The following ZPBP variants were observed in gnomAD, a reference collection of about 807,000 sequenced individuals.
ZPBP encodes the protein zona pellucida-binding protein 1.
A neutral mutation model predicts 44.8 loss-of-function variants in ZPBP; 26 were observed. The ratio of observed to expected loss-of-function variants is 0.58; its 90% CI spans 0.43 to 0.81. The LOEUF (loss-of-function observed/expected upper bound fraction) is 0.81. Ranked by LOEUF, ZPBP falls within the 30% of genes least tolerant of loss-of-function variation. The pLI, the probability that ZPBP is intolerant of heterozygous loss-of-function variation, is 0.00. For synonymous variants in ZPBP, 174 were observed against 153.2 expected (o/e 1.14, Z -1.00); for missense variants, 409 against 434.0 (o/e 0.94, Z 0.51).
chr7:49,904,632 T>C (rs1792981236), intron 1 of ZPBP, among the ~76,000 whole-genome samples: 1 of 152,178 alleles, frequency 6.6e-6, no homozygotes, highest in Non-Finnish European at 1.5e-5. Context: ...TTACCACTTT[T>C]ACATGGTTTT....
intron 2 of ZPBP, among the ~76,000 whole-genome samples, chr7:49,887,249 G>A (rs1022188879): frequency 1.3e-5 from 2 of 152,122 alleles, no homozygotes; most frequent in African/African-American, 4.8e-5. Context: ...TTATTTATTA[G>A]TGGCTCTGTG....
chr7:49,932,711 C>A (rs1794487928), downstream of ZPBP, among the ~76,000 whole-genome samples: 1 of 152,006 alleles, frequency 6.6e-6, no homozygotes, highest in Non-Finnish European at 1.5e-5. Context: ...TGGGAGGGGT[C>A]ACAGGTGAAA....
intron 2 of ZPBP, among the ~76,000 whole-genome samples, chr7:49,853,974 C>T (rs1790309568): frequency 6.7e-6 from 1 of 149,962 alleles, no homozygotes; most frequent in Non-Finnish European, 1.5e-5. Context: ...GTTTGGTTTT[C>T]TGTCCCTGCG....
intron 3 of ZPBP, among the ~76,000 whole-genome samples, chr7:50,070,558 A>C (rs1215160710): frequency 6.6e-6 from 1 of 152,252 alleles, no homozygotes; most frequent in African/African-American, 2.4e-5. Context: ...TAAATCTGTC[A>C]TCTTCAACCC....
chr7:50,060,259 C>T (rs1256164625), intron 3 of ZPBP, among the ~76,000 whole-genome samples: 2 of 151,232 alleles, frequency 1.3e-5, no homozygotes. Flanking sequence ...GCCATGGGAC[C>T]TGCTGCAGTG....
chr7:49,855,477 G>A (rs79368066), intron 2 of ZPBP, among the ~76,000 whole-genome samples: 5,093 of 152,254 alleles, frequency 0.033, 117 homozygotes, highest in Non-Finnish European at 0.051. Flanking sequence ...GAAGGTTTGG[G>A]TATTTCCCAG....
At chr7:49,986,078 A>G (rs1241579157) in intron 6 of ZPBP, among the ~76,000 whole-genome samples, 1 of 152,166 alleles carries the variant, frequency 6.6e-6, no homozygotes, top group African/African-American at 2.4e-5. Flanking sequence ...CCTAGATTTT[A>G]GCTGAACTAA....
chr7:50,054,333 G>T (rs1371505710), intron 4 of ZPBP, among the ~76,000 whole-genome samples: 1 of 152,066 alleles, frequency 6.6e-6, no homozygotes, highest in African/African-American at 2.4e-5. Context: ...CTTAAAGCAT[G>T]CATAAGAAAA....
downstream of ZPBP, among the ~76,000 whole-genome samples, chr7:49,934,981 T>C (rs952857899): frequency 6.6e-6 from 1 of 152,192 alleles, no homozygotes; most frequent in Non-Finnish European, 1.5e-5. Flanking sequence ...ATTATTTGGA[T>C]GCAAATAAAT....
intron 2 of ZPBP, among the ~76,000 whole-genome samples, chr7:49,877,507 T>TATATATATATAGATATAG (rs1562747891): frequency 1.1e-5 from 1 of 90,318 alleles, no homozygotes; most frequent in Admixed American, 1.2e-4. Context: ...TATATATATA[T>TATATATATATAGATATAG]ATATATATAT....
At chr7:49,991,277 A>G (rs971673607) in intron 6 of ZPBP, among the ~76,000 whole-genome samples, 3 of 152,160 alleles carry the variant, frequency 2.0e-5, no homozygotes, top group South Asian at 4.1e-4. Flanking sequence ...ACAGATAACT[A>G]TAAAAAGTGA....
chr7:50,024,112 T>C (rs1200247108), intron 5 of ZPBP, among the ~76,000 whole-genome samples: 2 of 151,936 alleles, frequency 1.3e-5, no homozygotes, highest in Non-Finnish European at 2.9e-5. Flanking sequence ...CAATGGGATA[T>C]CATCTCATGC....
intron 5 of ZPBP, among the ~76,000 whole-genome samples, chr7:50,020,839 G>GAATATAAGAATATAA (rs1799062865): frequency 6.6e-6 from 1 of 152,022 alleles, no homozygotes; most frequent in Admixed American, 6.6e-5. Context: ...ATCAACAAAA[G>GAATATAAGAATATAA]ATAACTTCAA....
downstream of ZPBP, among the ~76,000 whole-genome samples, chr7:49,846,053 T>A (rs1372278312): frequency 6.6e-6 from 1 of 152,222 alleles, no homozygotes; most frequent in Non-Finnish European, 1.5e-5. Context: ...CCAAAAAGTA[T>A]TTCAGGCAGC....
intron 2 of ZPBP, among the ~76,000 whole-genome samples, chr7:49,882,484 G>A (rs1358531722): frequency 6.6e-6 from 1 of 152,142 alleles, no homozygotes; most frequent in Non-Finnish European, 1.5e-5. Context: ...GGAAGGAAGA[G>A]AGACTGAGAC....
intron 2 of ZPBP, among the ~76,000 whole-genome samples, chr7:49,859,483 AT>A (rs930550817): frequency 1.3e-5 from 2 of 151,806 alleles, no homozygotes; most frequent in Non-Finnish European, 2.9e-5. Flanking sequence ...GGGAAATCTG[AT>A]TTTTTTTCTT....
chr7:49,936,970 A>C (rs930907973), downstream of ZPBP, among the ~76,000 whole-genome samples: 1 of 152,186 alleles, frequency 6.6e-6, no homozygotes, highest in Admixed American at 6.5e-5. Flanking sequence ...AGAGACTTAA[A>C]ACTGAAAAGT....
chr7:49,944,343 T>C, intron 7 of ZPBP: 1 of 222,892 alleles, frequency 4.5e-6, no homozygotes. Flanking sequence ...GCCTGGTCCC[T>C]CATGTTTTGA....
chr7:49,845,859 G>A (rs1189135002), downstream of ZPBP, among the ~76,000 whole-genome samples: 2 of 152,156 alleles, frequency 1.3e-5, no homozygotes, highest in Non-Finnish European at 2.9e-5. Flanking sequence ...AAGAGCGAGT[G>A]AGTTAGTGTG....
Sources: allele counts gnomAD v4.1 joint callset (sites outside exome capture counted in the v4.1 genomes callset), GRCh38; gene constraint gnomAD v4.1.1; transcripts MANE v1.5; gene names NCBI Gene and HGNC (gene_info 2026-07-23, HGNC 2026-07-21).